The following FAM124B variants were observed in gnomAD, a reference collection of about 807,000 sequenced individuals.
FAM124B encodes protein FAM124B.
Under a neutral mutation model 19.7 loss-of-function variants are expected in FAM124B, and 18 were observed. The observed-to-expected ratio is 0.92, with a 90% CI of 0.63 to 1.36. The LOEUF (loss-of-function observed/expected upper bound fraction) is 1.36. Among genes scored for constraint, FAM124B ranks in the 40% most tolerant of loss-of-function variants. The pLI, the probability that FAM124B is intolerant of heterozygous loss-of-function variation, is 0.00. For missense variants in FAM124B, 540 were observed against 553.3 expected, an observed-to-expected ratio of 0.98 and a Z score of 0.24; for synonymous variants, 223 against 225.2, an observed-to-expected ratio of 0.99 and a Z score of 0.09.
At position 224,395,295 on chromosome 2, in the gene FAM124B, T is replaced by C. The variant is rs1264870337; in HGVS notation, c.732+5742A>G. 2.0e-5 allele frequency among the ~76,000 whole-genome samples: 3 copies of C among 152,070 alleles called. No homozygotes were observed. The East Asian group carries it at 5.8e-4, about 29-fold the overall frequency. On this transcript the variant is annotated intron_variant, in intron 1 of 1. Coordinates refer to ENST00000409685, the MANE Select transcript of FAM124B (RefSeq NM_001122779.2). ...TATAAAAAGTACAAAAAATACAACT[T>C]TGGACACGGGTCTCAGCTGTGGAAA...
At chr2:224,393,727 C>A (rs1169321329) in intron 1 of FAM124B, among the ~76,000 whole-genome samples, 1 of 152,192 alleles carries the variant, frequency 6.6e-6, no homozygotes, top group Non-Finnish European at 1.5e-5. Flanking sequence ...TGCCTGGGAG[C>A]TCTGAGAATA....
intron 1 of FAM124B, among the ~76,000 whole-genome samples, chr2:224,388,067 T>G (rs949828144): frequency 6.6e-6 from 1 of 152,180 alleles, no homozygotes; most frequent in Non-Finnish European, 1.5e-5. Context: ...GAAGCAGCTA[T>G]CTGCCAAGTA....
chr2:224,384,626 C>CA (rs1373751175), intron 1 of FAM124B, among the ~76,000 whole-genome samples: 1 of 152,190 alleles, frequency 6.6e-6, no homozygotes, highest in Non-Finnish European at 1.5e-5. Context: ...AGCAGCTGTT[C>CA]AAACCTTCAA....
chr2:224,401,623 C>T lies in FAM124B; in HGVS notation c.146G>A (p.Ser49Asn). The part of the protein sequence containing the change: ...VRLFQVSERA[S>N]PVKYCEKSHS... ...GGACTTTTCACAGTATTTCACAGGA[C>T]TGGCCCGTTCAGACACCTGAAAGAG... Residue 49 changes from serine to asparagine, a missense_variant, in exon 1 of 2, where the codon AGT becomes AAT. Ser to Asn is a conservative substitution (Grantham distance 46). Coordinates refer to ENST00000409685, the MANE Select transcript of FAM124B (RefSeq NM_001122779.2). The T allele has an allele frequency of 6.2e-7, 1 of 1,614,210 alleles. No individual in the cohort carries two copies. The highest frequency in any genetic ancestry group is 8.5e-7 in the Non-Finnish European group (1 of 1,180,034).
At chr2:224,388,780 A>T (rs1380569122) in intron 1 of FAM124B, among the ~76,000 whole-genome samples, 1 of 152,192 alleles carries the variant, frequency 6.6e-6, no homozygotes, top group Non-Finnish European at 1.5e-5. Context: ...AATTTTTTTT[A>T]AAAGGTGAAA....
At chr2:224,399,358 C>A (rs564468357) in intron 1 of FAM124B, among the ~76,000 whole-genome samples, 83 of 152,308 alleles carry the variant, frequency 5.4e-4, no homozygotes, top group African/African-American at 1.9e-3. Flanking sequence ...GAAACAGTGC[C>A]TGTCTACCTT....
chr2:224,379,960 A>C lies in FAM124B; in HGVS notation c.981T>G (p.Ala327=). Residue 327 remains alanine, a synonymous_variant, in exon 2 of 2, where the codon GCT becomes GCG. Coordinates refer to ENST00000409685, the MANE Select transcript of FAM124B (RefSeq NM_001122779.2). ...AAGACAGGTGCAGGTGGGCACCCATAGCTGGGCTGCTGACCTGGAATGACC... is the reference window on the plus strand; with the variant it reads ...AAGACAGGTGCAGGTGGGCACCCATCGCTGGGCTGCTGACCTGGAATGACC... The part of the protein sequence containing the change: ...PGRSFQVSSP[A]MGAHLHLSSH... The C allele has an allele frequency of 6.4e-7, 1 of 1,551,756 alleles. No homozygotes were observed. The highest frequency in any genetic ancestry group is 8.7e-7 in the Non-Finnish European group (1 of 1,147,004).
At chr2:224,380,248 C>G in intron 1 of FAM124B, 40 bp from the exon 2 acceptor site, 3 of 1,487,534 alleles carry the variant, frequency 2.0e-6, no homozygotes, top group Non-Finnish European at 1.8e-6. Context: ...AACATAATTT[C>G]CATTAACTAA....
intron 1 of FAM124B, among the ~76,000 whole-genome samples, chr2:224,388,207 T>C (rs964711722): frequency 2.6e-5 from 4 of 152,152 alleles, no homozygotes; most frequent in African/African-American, 9.7e-5. Flanking sequence ...AGGTATGAAA[T>C]GTTCTAGTTA....
chr2:224,380,473 C>T (rs758680177), intron 1 of FAM124B, among the ~76,000 whole-genome samples: 6 of 152,180 alleles, frequency 3.9e-5, no homozygotes, highest in Non-Finnish European at 7.3e-5. Flanking sequence ...ATTGACAACA[C>T]CACACTTCTG....
chr2:224,390,435 G>C (rs529883314), intron 1 of FAM124B, among the ~76,000 whole-genome samples: 1 of 151,938 alleles, frequency 6.6e-6, no homozygotes, highest in Non-Finnish European at 1.5e-5. Flanking sequence ...ATAGAAAGAC[G>C]GCAAGATACC....
intron 1 of FAM124B, 52 bp downstream of exon 1, chr2:224,400,985 A>G (rs1449865005): frequency 6.5e-7 from 1 of 1,531,520 alleles, no homozygotes; most frequent in Non-Finnish European, 8.8e-7. Flanking sequence ...TTCCGATGTA[A>G]AATTACACAG....
At chr2:224,399,376 CAAG>C (rs1690026026) in intron 1 of FAM124B, 1 of 152,128 alleles carries the variant, frequency 6.6e-6, no homozygotes, top group Non-Finnish European at 1.5e-5. Flanking sequence ...CTTATGTGAG[CAAG>C]AAGGTGAATA....
intron 1 of FAM124B, among the ~76,000 whole-genome samples, chr2:224,387,657 G>A (rs370629598): frequency 1.3e-5 from 2 of 152,146 alleles, no homozygotes; most frequent in East Asian, 3.9e-4. Context: ...CTCTTTCACA[G>A]CAACATAAAG....
Position 224,401,842 on chromosome 2 carries a change from G to C in FAM124B, c.-74C>G. 2 of 1,520,082 alleles carry C rather than the reference G, an allele frequency of 1.3e-6. No homozygotes were observed. The highest frequency in any genetic ancestry group is 1.3e-5 in the South Asian group (1 of 77,108). 94.2% of individuals were successfully genotyped at this position (1,520,082 alleles called of 1,614,324 possible). A position where few individuals can be genotyped will look rare whatever the true frequency, so the allele number is the denominator to read the frequency against. Reference sequence around the variant, plus strand: ...TGTTCAAGTTTCTGAAATGAATGAAGAAGCGGCCCAGCCTTCAGCCCGCCT... The same window carrying C: ...TGTTCAAGTTTCTGAAATGAATGAACAAGCGGCCCAGCCTTCAGCCCGCCT... On this transcript the variant is annotated 5_prime_UTR_variant, in exon 1 of 2. Coordinates refer to ENST00000409685, the MANE Select transcript of FAM124B (RefSeq NM_001122779.2).
At chr2:224,391,908 G>C (rs920417917) in intron 1 of FAM124B, among the ~76,000 whole-genome samples, 1 of 152,108 alleles carries the variant, frequency 6.6e-6, no homozygotes, top group African/African-American at 2.4e-5. Flanking sequence ...GTTGTCCTTA[G>C]GTAGATTACG....
intron 1 of FAM124B, among the ~76,000 whole-genome samples, chr2:224,396,788 G>A (rs948791897): frequency 2.6e-5 from 4 of 152,216 alleles, no homozygotes; most frequent in African/African-American, 7.2e-5. Flanking sequence ...CAGACATTTT[G>A]TTGCGCCATG....
chr2:224,381,888 T>A (rs531304495), intron 1 of FAM124B, among the ~76,000 whole-genome samples: 1 of 152,226 alleles, frequency 6.6e-6, no homozygotes, highest in Admixed American at 6.5e-5. Flanking sequence ...TAATGATACA[T>A]ATTTATCTTA....
chr2:224,392,037 A>T (rs990536000), intron 1 of FAM124B, among the ~76,000 whole-genome samples: 1 of 152,220 alleles, frequency 6.6e-6, no homozygotes, highest in African/African-American at 2.4e-5. Flanking sequence ...CATATGTTGT[A>T]ATCTTAAAAT....
Sources: allele counts gnomAD v4.1 joint callset (sites outside exome capture counted in the v4.1 genomes callset), GRCh38; gene constraint gnomAD v4.1.1; transcripts MANE v1.5; gene names NCBI Gene and HGNC (gene_info 2026-07-23, HGNC 2026-07-21).